The following DNAH5 variants were observed in gnomAD, a reference collection of about 807,000 sequenced individuals.
DNAH5 encodes axonemal beta dynein heavy chain 5.
A neutral mutation model predicts 518.2 loss-of-function variants in DNAH5; 372 were observed. The observed-to-expected ratio is 0.72, with a 90% CI of 0.66 to 0.78. The LOEUF (loss-of-function observed/expected upper bound fraction) is 0.78, where lower values mean the gene tolerates loss of function less well. Among genes scored for constraint, DNAH5 ranks in the 30% least tolerant of loss-of-function variants. The pLI is 0.00. For synonymous variants in DNAH5, 2,039 were observed against 2,025.9 expected (o/e 1.01, Z -0.17); for missense variants, 5,523 against 5,687.0 (o/e 0.97, Z 0.93).
At chr5:13,778,333 C>G (rs1754406775) in intron 53 of DNAH5, among the ~76,000 whole-genome samples, 1 of 151,362 alleles carries the variant, frequency 6.6e-6, no homozygotes, top group African/African-American at 2.4e-5. Flanking sequence ...AAAACAAATA[C>G]TTCTAGAAGA....
intron 1 of DNAH5, among the ~76,000 whole-genome samples, chr5:13,987,865 T>C (rs570714701): frequency 2.9e-4 from 44 of 150,914 alleles, no homozygotes; most frequent in African/African-American, 1.1e-3. Flanking sequence ...AATTTAATCT[T>C]GTTTAATCTT....
intron 75 of DNAH5, among the ~76,000 whole-genome samples, chr5:13,712,369 C>A (rs2591247): frequency 0.47 from 71,032 of 151,984 alleles, 17,386 homozygotes; most frequent in African/African-American, 0.62. Context: ...CAAAAATTCT[C>A]GACAATAACA....
chr5:13,913,473 T>G (rs1776267305), intron 11 of DNAH5, among the ~76,000 whole-genome samples: 2 of 152,164 alleles, frequency 1.3e-5, no homozygotes, highest in South Asian at 2.1e-4. Flanking sequence ...ACATTTTTCT[T>G]GTGCTACTAA....
intron 47 of DNAH5, among the ~76,000 whole-genome samples, chr5:13,799,192 A>G (rs1054024826): frequency 7.5e-6 from 1 of 134,076 alleles, no homozygotes; most frequent in African/African-American, 2.8e-5. Flanking sequence ...GTACAATAGC[A>G]AAAAGAATTT....
chr5:13,990,419 G>A (rs1027255140), intron 1 of DNAH5, among the ~76,000 whole-genome samples: 7 of 152,078 alleles, frequency 4.6e-5, no homozygotes, highest in Non-Finnish European at 8.8e-5. Context: ...TGGGCGTGGT[G>A]GCGGGCGCCT....
intron 42 of DNAH5, among the ~76,000 whole-genome samples, chr5:13,816,994 C>T (rs1217205786): frequency 6.6e-6 from 1 of 152,174 alleles, no homozygotes; most frequent in Non-Finnish European, 1.5e-5. Flanking sequence ...TTTACAAAGT[C>T]CATAAGTGAG....
chr5:13,906,577 G>C (rs572478285), intron 12 of DNAH5, among the ~76,000 whole-genome samples: 1 of 152,000 alleles, frequency 6.6e-6, no homozygotes, highest in Non-Finnish European at 1.5e-5. Flanking sequence ...TCTTAACTAC[G>C]AACTAGGCCA....
chr5:13,761,429 T>C (rs922193151), intron 60 of DNAH5, among the ~76,000 whole-genome samples: 1 of 151,840 alleles, frequency 6.6e-6, no homozygotes. Context: ...CCATCTCTAC[T>C]AAAAATACAA....
chr5:13,901,288 C>T lies in DNAH5; in HGVS notation c.2016G>A (p.Glu672=). The change falls in exon 14 of 79, where the codon GAG becomes GAA. Residue 672 remains glutamate, a synonymous_variant. Transcript: ENST00000265104. The stretch of plus-strand genomic sequence containing the variant: ...ACGCCCTGTGGAAGAGGACCTCAAA[C>T]TCCAGGAGGACCTTGGCCATCCTGT... ...SYNRMAKVLL[E]FEVLFHRAWL... 1 of 1,614,148 alleles carries T rather than the reference C, an allele frequency of 6.2e-7. No individual in the cohort carries two copies. The highest frequency in any genetic ancestry group is 1.1e-5 in the South Asian group (1 of 91,086).
intron 3 of DNAH5, among the ~76,000 whole-genome samples, chr5:13,924,670 C>T (rs1307819293): frequency 2.4e-5 from 3 of 125,004 alleles, no homozygotes; most frequent in East Asian, 3.9e-4. Context: ...AGCAAAACTC[C>T]GTCTCAAAAA....
intron 29 of DNAH5, among the ~76,000 whole-genome samples, chr5:13,862,196 A>G (rs557840295): frequency 7.2e-4 from 109 of 152,138 alleles, no homozygotes; most frequent in Non-Finnish European, 1.4e-3. Flanking sequence ...CCAAGAGCCG[A>G]GTGGCTAATT....
intron 1 of DNAH5, among the ~76,000 whole-genome samples, chr5:13,989,951 A>G (rs1199480485): frequency 1.3e-5 from 2 of 152,114 alleles, no homozygotes; most frequent in Non-Finnish European, 2.9e-5. Context: ...CTTAATGTTC[A>G]CAACAGGGCT....
In DNAH5 at chr5:13,900,230, G is replaced by C; in HGVS notation, c.2235C>G (p.Tyr745Ter). Residue 745 changes from tyrosine (Y) to a stop codon, truncating the protein, a stop_gained, in exon 15 of 79, where the codon TAC becomes TAG. Coordinates refer to ENST00000265104, the MANE Select transcript of DNAH5 (RefSeq NM_001369.3). LOFTEE classifies it high-confidence loss of function. ...ATSLFQKRDR[Y>*]KRNFSNMKMM... is the part of the protein sequence containing the mutation. ...CCTTCATGTTACTGAAGTTCCTTTT[G>C]TATCTATCTCGTTTCTGGAAGAGGG... The C allele has an allele frequency of 6.2e-7, 1 of 1,613,972 alleles. No homozygotes were observed. Among genetic ancestry groups the C allele is most frequent in the African/African-American group, 1.3e-5 (1 of 75,020 alleles).
chr5:13,839,279 A>C, intron 35 of DNAH5, 77 bp downstream of exon 35: 2 of 1,385,684 alleles, frequency 1.4e-6, no homozygotes, highest in Non-Finnish European at 2.0e-6. Context: ...ATAAACCCTA[A>C]GAGACTTTAA....
chr5:13,889,570 G>A (rs866223278), intron 17 of DNAH5, among the ~76,000 whole-genome samples: 3 of 152,306 alleles, frequency 2.0e-5, no homozygotes, highest in Middle Eastern at 6.8e-3. Context: ...ATAGTTTGCT[G>A]TGCCTAAACT....
At chr5:13,994,015 G>A (rs1187458623) in intron 1 of DNAH5, among the ~76,000 whole-genome samples, 2 of 152,214 alleles carry the variant, frequency 1.3e-5, no homozygotes, top group Admixed American at 6.5e-5. Context: ...ATTTCCAGGT[G>A]AGCCTCAGGC....
chr5:13,948,819 T>C (rs893527895), upstream of DNAH5, among the ~76,000 whole-genome samples: 1 of 152,108 alleles, frequency 6.6e-6, no homozygotes, highest in South Asian at 2.1e-4. Context: ...GGCAGTCTCC[T>C]GGGCATGAAG....
chr5:13,844,625 AT>A lies in DNAH5; in HGVS notation c.5271+211del, dbSNP rs58269420. Among the ~76,000 whole-genome samples the A allele has an allele frequency of 0.4, 60,848 of 151,488 alleles. 12,582 individuals are homozygous for A. Among genetic ancestry groups the A allele is most frequent in the East Asian group, 0.61 (3,134 of 5,148 alleles). ...AATGCCTTCTTAATCCTAAACTAGCATTTTTTTTAATTTGAATCTACACTTT... is the reference window on the plus strand; with the variant it reads ...AATGCCTTCTTAATCCTAAACTAGCATTTTTTTAATTTGAATCTACACTTT... On this transcript the variant is annotated intron_variant, in intron 32 of 78. Transcript: ENST00000265104.
rs1561468901 is a variant in DNAH5, at chr5:13,867,812, G to T, written c.4015C>A (p.Leu1339Ile). 3 of 1,613,894 alleles carry T rather than the reference G, an allele frequency of 1.9e-6. No individual in the cohort carries two copies. Among genetic ancestry groups the T allele is most frequent in the Non-Finnish European group, 2.5e-6 (3 of 1,179,950 alleles). The stretch of plus-strand genomic sequence containing the variant: ...AGATAAAACTGGTGACAATCTTGGA[G>T]GAATACCTCCACAGCACTAATAAGC... ...KELISAVEVFLQDCHQFYLDY... is the reference protein window; with the variant it reads ...KELISAVEVFIQDCHQFYLDY... Residue 1339 changes from leucine to isoleucine, a missense_variant, in exon 25 of 79, where the codon CTC becomes ATC. Leu to Ile is a conservative substitution (Grantham distance 5, BLOSUM62 2). Around this residue, in one of 3 missense-constraint regions of DNAH5, gnomAD observed 5,121 missense variants for 5,223.3 expected, o/e 0.98. Coordinates refer to ENST00000265104, the MANE Select transcript of DNAH5 (RefSeq NM_001369.3).
Sources: gnomAD v4.1 joint callset for allele counts (sites outside exome capture counted in the v4.1 genomes callset) on GRCh38, gnomAD v4.1.1 for gene constraint, gnomAD v4.1.1 regional missense constraint, MANE v1.5 for transcripts, NCBI Gene and HGNC (gene_info 2026-07-23, HGNC 2026-07-21) for gene names.